Variants in IQGAP3 observed in about 807,000 individuals in gnomAD.
IQGAP3 encodes the protein ras GTPase-activating-like protein IQGAP3.
A neutral mutation model predicts 208.2 loss-of-function variants in IQGAP3; 165 were observed. The observed-to-expected ratio is 0.79, with a 90% CI of 0.70 to 0.90. The LOEUF (loss-of-function observed/expected upper bound fraction) is 0.90, where lower values mean the gene tolerates loss of function less well. Ranked by LOEUF, IQGAP3 falls within the 40% of genes least tolerant of loss-of-function variation. The pLI is 0.00. For synonymous variants in IQGAP3, 703 were observed against 803.6 expected, an observed-to-expected ratio of 0.87 and a Z score of 2.12; for missense variants, 1,811 against 2,043.1, an observed-to-expected ratio of 0.89 and a Z score of 2.19.
chr1:156,534,733 C>T lies in IQGAP3; in HGVS notation c.3508G>A (p.Val1170Met). ...CGGTAGTACAGGAGGTTCCCGACCA[C>T]CTGAGGGCAAAGGAGACTCTCCCAG... ...PDATDSEVYK[V>M]VGNLLYYRFL... Residue 1170 changes from valine (V) to methionine (M), a missense_variant and splice_region_variant, in exon 29 of 38, where the codon GTG becomes ATG. Physicochemically the swap from Val to Met is conservative, Grantham distance 21. Transcript: ENST00000361170. 3.9e-6 allele frequency: 6 copies of T among 1,542,744 alleles called. No homozygotes were observed. The highest frequency in any genetic ancestry group is 1.2e-5 in the South Asian group (1 of 81,196).
intron 33 of IQGAP3, among the ~76,000 whole-genome samples, chr1:156,530,796 C>A (rs1335131027): frequency 6.6e-6 from 1 of 152,232 alleles, no homozygotes. Flanking sequence ...CCTGGCCCCC[C>A]ACCTGCCTAC....
rs1378448540 is a variant in IQGAP3, at chr1:156,528,961, C to T, written c.4526G>A (p.Ser1509Asn). 6.2e-7 allele frequency: 1 copy of T among 1,614,232 alleles called. No homozygotes were observed. Among genetic ancestry groups the T allele is most frequent in the Non-Finnish European group, 8.5e-7 (1 of 1,180,038 alleles). Reference sequence around the variant, plus strand: ...GTCCAGGCAGGCCCGGATGTACTGGCTGTAGTAGTCACCCTGCTCCTCATA... The same window carrying T: ...GTCCAGGCAGGCCCGGATGTACTGGTTGTAGTAGTCACCCTGCTCCTCATA... Reference protein sequence around the residue: ...TFYEEQGDYYSQYIRACLDHL... With the variant: ...TFYEEQGDYYNQYIRACLDHL... The change falls in exon 35 of 38, where the codon AGC becomes AAC. Residue 1509 changes from serine (S) to asparagine (N), a missense_variant. Physicochemically the swap from Ser to Asn is conservative, Grantham distance 46. Coordinates refer to ENST00000361170, the MANE Select transcript of IQGAP3 (RefSeq NM_178229.5).
At chr1:156,526,685 GC>G in intron 37 of IQGAP3, 86 bp from the exon 38 acceptor site, 1 of 863,876 alleles carries the variant, frequency 1.2e-6, no homozygotes, top group Admixed American at 1.9e-5. Context: ...ACATCATGGG[GC>G]CTTCTGCAGT....
chr1:156,541,944 T>G (rs1310635027), intron 22 of IQGAP3, among the ~76,000 whole-genome samples: 1 of 151,988 alleles, frequency 6.6e-6, no homozygotes, highest in East Asian at 1.9e-4. Context: ...AGAGGGTGAA[T>G]GTGGGGAGTG....
chr1:156,561,059 C>T (rs769719149), intron 10 of IQGAP3, 38 bp from the exon 11 acceptor site: 7 of 1,474,690 alleles, frequency 4.7e-6, no homozygotes, highest in Non-Finnish European at 6.6e-6. Flanking sequence ...TGGAGTCCTT[C>T]CGGGGCCATG....
intron 18 of IQGAP3, 44 bp downstream of exon 18, chr1:156,548,304 C>T (rs1675366558): frequency 6.2e-7 from 1 of 1,608,724 alleles, no homozygotes; most frequent in Non-Finnish European, 8.5e-7. Context: ...TTCTTCAGGA[C>T]ATTCCTATCC....
At chr1:156,555,202 T>C (rs991464392) in intron 12 of IQGAP3, among the ~76,000 whole-genome samples, 3 of 152,188 alleles carry the variant, frequency 2.0e-5, no homozygotes, top group African/African-American at 7.2e-5. Context: ...AAACATCTGC[T>C]TATGCCGTGC....
rs368405115 is a variant in IQGAP3, at chr1:156,569,370, G to A, written c.125+6C>T. 13 of 1,603,250 alleles carry A rather than the reference G, an allele frequency of 8.1e-6. No individual in the cohort carries two copies. The highest frequency in any genetic ancestry group is 4.0e-5 in the African/African-American group (3 of 74,656). ...GAAAGAGTCCATCTTCCTGGACTCC[G>A]CTCACCGCTTGGCCTCCTCCAGCCG... On this transcript the variant is annotated splice_donor_region_variant and intron_variant, in intron 2 of 37. Transcript: ENST00000361170.
chr1:156,567,161 C>A (rs371297092), intron 2 of IQGAP3, among the ~76,000 whole-genome samples: 1 of 152,206 alleles, frequency 6.6e-6, no homozygotes, highest in African/African-American at 2.4e-5. Flanking sequence ...GCCACCGCGC[C>A]CGGCCCTAGT....
At chr1:156,556,508 C>A (rs749659147) in intron 12 of IQGAP3, 25 bp downstream of exon 12, 13 of 1,613,398 alleles carry the variant, frequency 8.1e-6, no homozygotes, top group Middle Eastern at 1.7e-4. Flanking sequence ...GACTGCAGAG[C>A]TAGACCCACA....
At chr1:156,530,441 A>G in intron 33 of IQGAP3, 124 bp from the exon 34 acceptor site, 1 of 765,828 alleles carries the variant, frequency 1.3e-6, no homozygotes, top group Non-Finnish European at 2.1e-6. Context: ...ATCATTAAGA[A>G]AGTGCCCCAG....
intron 31 of IQGAP3, 91 bp downstream of exon 31, chr1:156,533,682 C>A: frequency 9.9e-7 from 1 of 1,005,296 alleles, no homozygotes; most frequent in East Asian, 2.6e-5. Flanking sequence ...ACCTAGGCTG[C>A]ATGGGCACGC....
intron 22 of IQGAP3, among the ~76,000 whole-genome samples, chr1:156,541,585 C>A (rs532632009): frequency 6.6e-6 from 1 of 152,174 alleles, no homozygotes; most frequent in Admixed American, 6.5e-5. Context: ...AAGTACTTTA[C>A]GTACTTAAGA....
At chr1:156,546,457 G>A (rs566131089) in intron 19 of IQGAP3, among the ~76,000 whole-genome samples, 1 of 152,220 alleles carries the variant, frequency 6.6e-6, no homozygotes, top group South Asian at 2.1e-4. Context: ...TCGCCTTAGT[G>A]TGAAATTCCA....
intron 30 of IQGAP3, 63 bp from the exon 31 acceptor site, chr1:156,533,938 C>T: frequency 6.2e-7 from 1 of 1,605,524 alleles, no homozygotes; most frequent in African/African-American, 1.3e-5. Context: ...CTGGGGCCAG[C>T]CCACTACCCC....
At position 156,548,650 on chromosome 1, in the gene IQGAP3, C is replaced by T. The variant is rs1229608454; in HGVS notation, c.1924G>A (p.Val642Ile). 7 of 1,612,318 alleles carry T rather than the reference C, an allele frequency of 4.3e-6. No individual in the cohort carries two copies. Among genetic ancestry groups the T allele is most frequent in the Non-Finnish European group, 5.9e-6 (7 of 1,178,914 alleles). ...TAGCCGTTGGCACAGTCGGGAACTACCCCTCGAAGGGCCACTGCGGGGTTC... is the reference window on the plus strand; with the variant it reads ...TAGCCGTTGGCACAGTCGGGAACTATCCCTCGAAGGGCCACTGCGGGGTTC... ...LRNPAVALRG[V>I]VPDCANGYQR... The change falls in exon 17 of 38, where the codon GTA becomes ATA. Residue 642 changes from valine to isoleucine, a missense_variant. By Grantham distance (29) the Val-to-Ile change is conservative (BLOSUM62 3). Coordinates refer to ENST00000361170, the MANE Select transcript of IQGAP3 (RefSeq NM_178229.5).
chr1:156,534,803 G>C, intron 28 of IQGAP3, 70 bp from the exon 29 acceptor site: 1 of 1,205,542 alleles, frequency 8.3e-7, no homozygotes, highest in Non-Finnish European at 1.1e-6. Context: ...CACATTCTCA[G>C]CTTGCTTGGC....
At chr1:156,556,935 T>G (rs1675847907) in intron 11 of IQGAP3, among the ~76,000 whole-genome samples, 1 of 41,664 alleles carries the variant, frequency 2.4e-5, no homozygotes, top group African/African-American at 5.8e-5. Flanking sequence ...GCTCAGCCTC[T>G]GCCCCGCCGC....
intron 23 of IQGAP3, among the ~76,000 whole-genome samples, chr1:156,540,295 G>T (rs1431896394): frequency 1.3e-5 from 2 of 152,130 alleles, no homozygotes; most frequent in African/African-American, 4.8e-5. Flanking sequence ...ATTTGAGGTG[G>T]AGCTATCACT....
Sources: gnomAD v4.1 joint callset for allele counts (sites outside exome capture counted in the v4.1 genomes callset) on GRCh38, gnomAD v4.1.1 for gene constraint, MANE v1.5 for transcripts, NCBI Gene and HGNC (gene_info 2026-07-23, HGNC 2026-07-21) for gene names.